MAGI2: variants seen among roughly 807,000 people sequenced by gnomAD.
The protein encoded by MAGI2 is membrane-associated guanylate kinase, WW and PDZ domain-containing protein 2.
MAGI2 carries 35 observed loss-of-function variants against 133.3 expected under a neutral mutation model. The observed-to-expected ratio is 0.26, with a 90% CI of 0.20 to 0.35. The LOEUF (loss-of-function observed/expected upper bound fraction) is 0.35. Among genes scored for constraint, MAGI2 ranks in the 10% least tolerant of loss-of-function variants. MAGI2 has a pLI of 1.00. For missense variants in MAGI2, 1,636 were observed against 1,863.4 expected (o/e 0.88, Z 2.25); for synonymous variants, 729 against 710.6 (o/e 1.03, Z -0.41).
intron 2 of MAGI2, among the ~76,000 whole-genome samples, chr7:78,781,650 A>G (rs959480987): frequency 6.6e-6 from 1 of 152,178 alleles, no homozygotes; most frequent in Non-Finnish European, 1.5e-5. Flanking sequence ...ATTGTCACCT[A>G]TAGGACAATA....
chr7:78,123,166 T>G (rs1391563191), intron 20 of MAGI2, among the ~76,000 whole-genome samples: 1 of 152,192 alleles, frequency 6.6e-6, no homozygotes, highest in Non-Finnish European at 1.5e-5. Context: ...ATTCACAGAT[T>G]GTGTTTTGTT....
intron 9 of MAGI2, among the ~76,000 whole-genome samples, chr7:78,292,350 A>C (rs1363357267): frequency 6.6e-6 from 1 of 152,210 alleles, no homozygotes; most frequent in Admixed American, 6.5e-5. Flanking sequence ...CAAAGAGAAT[A>C]AAATACCTAG....
chr7:78,693,153 T>C (rs1288555297), intron 2 of MAGI2, among the ~76,000 whole-genome samples: 2 of 152,140 alleles, frequency 1.3e-5, no homozygotes, highest in African/African-American at 4.8e-5. Flanking sequence ...TTGCTGGTTG[T>C]GAAAGTTAGG....
chr7:78,660,466 T>C (rs1004225408), intron 2 of MAGI2, among the ~76,000 whole-genome samples: 2 of 152,214 alleles, frequency 1.3e-5, no homozygotes, highest in Non-Finnish European at 2.9e-5. Context: ...AAGAGGAAAA[T>C]GCCTAATATC....
intron 1 of MAGI2, among the ~76,000 whole-genome samples, chr7:79,051,556 A>G (rs1334314863): frequency 6.6e-6 from 1 of 152,196 alleles, no homozygotes; most frequent in Admixed American, 6.5e-5. Context: ...AAAATCTCTT[A>G]TTGCACATGT....
intron 1 of MAGI2, among the ~76,000 whole-genome samples, chr7:79,058,574 C>A (rs1045719489): frequency 2.6e-5 from 4 of 152,070 alleles, no homozygotes; most frequent in Non-Finnish European, 4.4e-5. Flanking sequence ...CCATATTACA[C>A]ATTTTACCAA....
chr7:79,350,537 C>T (rs1291797518), intron 1 of MAGI2, among the ~76,000 whole-genome samples: 3 of 151,760 alleles, frequency 2.0e-5, no homozygotes, highest in Non-Finnish European at 4.4e-5. Flanking sequence ...AACATCAGTC[C>T]CTCTTCCACC....
At chr7:78,308,595 T>A (rs1244668382) in intron 9 of MAGI2, among the ~76,000 whole-genome samples, 3 of 152,090 alleles carry the variant, frequency 2.0e-5, no homozygotes, top group African/African-American at 7.2e-5. Flanking sequence ...ACACCCCATT[T>A]TCTTTGCCTA....
intron 1 of MAGI2, among the ~76,000 whole-genome samples, chr7:79,171,770 A>ATATATATATATATATATATATATT: frequency 9.6e-5 from 3 of 31,224 alleles, no homozygotes; most frequent in African/African-American, 1.3e-4. Flanking sequence ...ATATATATAT[A>ATATATATATATATATATATATATT]TTTTTTTTTT....
chr7:79,318,355 T>C (rs1477978911), intron 1 of MAGI2, among the ~76,000 whole-genome samples: 1 of 152,144 alleles, frequency 6.6e-6, no homozygotes, highest in Non-Finnish European at 1.5e-5. Context: ...ATAATTTATT[T>C]GTCTCATTAA....
At chr7:78,551,185 T>C (rs565406875) in intron 3 of MAGI2, among the ~76,000 whole-genome samples, 1 of 152,214 alleles carries the variant, frequency 6.6e-6, no homozygotes, top group African/African-American at 2.4e-5. Flanking sequence ...TATCATTGAC[T>C]TAGCCAAATC....
intron 18 of MAGI2, among the ~76,000 whole-genome samples, chr7:78,132,307 C>T (rs192163216): frequency 6.6e-6 from 1 of 152,332 alleles, no homozygotes; most frequent in African/African-American, 2.4e-5. Flanking sequence ...CTGCATTCAC[C>T]CTGCCAGCCT....
At chr7:78,471,831 A>T (rs995962072) in intron 6 of MAGI2, among the ~76,000 whole-genome samples, 1 of 152,058 alleles carries the variant, frequency 6.6e-6, no homozygotes, top group Non-Finnish European at 1.5e-5. Context: ...AGGCTGAGGC[A>T]GGAGAATCAC....
At chr7:78,312,870 C>G (rs1268488264) in intron 9 of MAGI2, among the ~76,000 whole-genome samples, 1 of 151,190 alleles carries the variant, frequency 6.6e-6, no homozygotes, top group Non-Finnish European at 1.5e-5. Flanking sequence ...TATACAATCC[C>G]ACTCCTGGGT....
chr7:78,116,199 C>T (rs1265296291), intron 20 of MAGI2, among the ~76,000 whole-genome samples: 1 of 151,846 alleles, frequency 6.6e-6, no homozygotes, highest in African/African-American at 2.4e-5. Flanking sequence ...ACAAAAACAC[C>T]TTCTAAATAA....
At chr7:79,167,025 C>A (rs6958353) in intron 1 of MAGI2, among the ~76,000 whole-genome samples, 8,513 of 151,978 alleles carry the variant, frequency 0.056, 489 homozygotes, top group East Asian at 0.15. Context: ...TTAATAAGCT[C>A]TTTGAGGTGA....
chr7:78,809,740 A>T (rs1320261369), intron 2 of MAGI2, among the ~76,000 whole-genome samples: 1 of 152,036 alleles, frequency 6.6e-6, no homozygotes, highest in Non-Finnish European at 1.5e-5. Flanking sequence ...TGGTTTTTTT[A>T]AAAGAAGGAA....
chr7:78,395,509 A>G lies in MAGI2; in HGVS notation c.1046-26296T>C, dbSNP rs534005917. On this transcript the variant is annotated intron_variant, in intron 6 of 21. Coordinates refer to ENST00000354212, the MANE Select transcript of MAGI2 (RefSeq NM_012301.4). ...CATCCACCAGTAATCAGCCATTTGA[A>G]TAGCAGGCTGAGGGGGTAGTCTGCA... Among the ~76,000 whole-genome samples, 53 of 152,316 alleles carry G rather than the reference A, an allele frequency of 3.5e-4. No individual in the cohort carries two copies. In the East Asian group the frequency reaches 9.8e-3, roughly 28 times the overall value.
chr7:78,759,037 C>T (rs901541938), intron 2 of MAGI2, among the ~76,000 whole-genome samples: 4 of 152,134 alleles, frequency 2.6e-5, no homozygotes, highest in Non-Finnish European at 5.9e-5. Context: ...GATATTGAAT[C>T]TTTGCTTAAG....
Sources: allele counts gnomAD v4.1 joint callset (sites outside exome capture counted in the v4.1 genomes callset), GRCh38; gene constraint gnomAD v4.1.1; transcripts MANE v1.5; gene names NCBI Gene and HGNC (gene_info 2026-07-23, HGNC 2026-07-21).